The following PRKG1 variants were observed in gnomAD, a reference collection of about 807,000 sequenced individuals.
The protein encoded by PRKG1 is protein kinase cGMP-dependent 1, also known as cGMP-dependent protein kinase 1.
A neutral mutation model predicts 88.1 loss-of-function variants in PRKG1; 35 were observed. The ratio of observed to expected loss-of-function variants is 0.40; its 90% CI spans 0.30 to 0.53. PRKG1 has a LOEUF of 0.53. Among genes scored for constraint, PRKG1 ranks in the 20% least tolerant of loss-of-function variants. The pLI is 0.59. For missense variants in PRKG1, 540 were observed against 839.8 expected (o/e 0.64, Z 4.41); for synonymous variants, 303 against 292.5 (o/e 1.04, Z -0.37).
chr10:52,139,387 C>T (rs1837513165), intron 8 of PRKG1, among the ~76,000 whole-genome samples: 1 of 152,108 alleles, frequency 6.6e-6, no homozygotes, highest in Non-Finnish European at 1.5e-5. Context: ...GCATCAGTCC[C>T]CAAGGATACA....
intron 1 of PRKG1, among the ~76,000 whole-genome samples, chr10:51,083,282 C>G (rs779572029): frequency 5.7e-4 from 86 of 152,174 alleles, no homozygotes; most frequent in Non-Finnish European, 5.3e-4. Flanking sequence ...TGGCCACTTT[C>G]AAATGTGACA....
chr10:51,478,613 T>G (rs1840268182), intron 3 of PRKG1, among the ~76,000 whole-genome samples: 1 of 152,068 alleles, frequency 6.6e-6, no homozygotes, highest in African/African-American at 2.4e-5. Context: ...TTGCTCATAT[T>G]CATTGCCTTT....
At position 51,757,662 on chromosome 10, in the gene PRKG1, T is replaced by A. The variant is rs559861804; in HGVS notation, c.593-46923T>A. Among the ~76,000 whole-genome samples, 14 of 152,288 alleles carry A rather than the reference T, an allele frequency of 9.2e-5. 1 individual carries two copies. Among genetic ancestry groups the A allele is most frequent in the South Asian group, 6.2e-4 (3 of 4,832 alleles). ...GACTAGTCTGAATTGAGATGTGTTATAAGTATAAAATGCATACTGGATTTC... is the reference window on the plus strand; with the variant it reads ...GACTAGTCTGAATTGAGATGTGTTAAAAGTATAAAATGCATACTGGATTTC... On this transcript the variant is annotated intron_variant, in intron 3 of 17. Coordinates refer to ENST00000373980, the MANE Select transcript of PRKG1 (RefSeq NM_006258.4).
At chr10:52,132,225 A>G (rs780315469) in intron 7 of PRKG1, among the ~76,000 whole-genome samples, 3 of 152,166 alleles carry the variant, frequency 2.0e-5, no homozygotes, top group Non-Finnish European at 4.4e-5. Context: ...GATATCAATG[A>G]ATAAATATTA....
At chr10:51,199,662 C>T (rs570615145) in intron 2 of PRKG1, among the ~76,000 whole-genome samples, 13 of 152,236 alleles carry the variant, frequency 8.5e-5, no homozygotes, top group Non-Finnish European at 1.3e-4. Flanking sequence ...AAAGTGAGGT[C>T]GGGGTATTTC....
At chr10:51,308,470 A>T (rs909536872) in intron 2 of PRKG1, among the ~76,000 whole-genome samples, 2 of 152,220 alleles carry the variant, frequency 1.3e-5, no homozygotes, top group Admixed American at 1.3e-4. Flanking sequence ...CCTATTGCTC[A>T]GTAAGCAGTT....
chr10:51,482,716 G>A (rs1840400110), intron 3 of PRKG1, among the ~76,000 whole-genome samples: 1 of 152,242 alleles, frequency 6.6e-6, no homozygotes, highest in African/African-American at 2.4e-5. Flanking sequence ...GCAGAAACAT[G>A]GTCATCCAGT....
rs118138711 is a variant in PRKG1 at position 51,763,414 on chromosome 10, C to T, written c.593-41171C>T. Among the ~76,000 whole-genome samples, 499 of 151,836 alleles carry T rather than the reference C, an allele frequency of 3.3e-3. 1 individual carries two copies. Among genetic ancestry groups the T allele is most frequent in the Non-Finnish European group, 4.0e-3 (275 of 67,950 alleles). ...ACACACCTGTGTAATTTAAAAACTA[C>T]ACAGCTAATTTAAAAAAAATTTTTA... On this transcript the variant is annotated intron_variant, in intron 3 of 17. Transcript: ENST00000373980.
chr10:51,644,883 G>A (rs1040708297), intron 3 of PRKG1, among the ~76,000 whole-genome samples: 4 of 152,102 alleles, frequency 2.6e-5, no homozygotes, highest in Non-Finnish European at 5.9e-5. Flanking sequence ...TGCCTTCTGG[G>A]TTCAAGCGAT....
rs190644185 is a variant in PRKG1, at chr10:51,671,028, T to G, written c.593-133557T>G. ...TTTACCTATTTATTTTGTCACCATT[T>G]TATCTTATATTTTAGAGATTTTTTT... On this transcript the variant is annotated intron_variant, in intron 3 of 17. Coordinates refer to ENST00000373980, the MANE Select transcript of PRKG1 (RefSeq NM_006258.4). Among the ~76,000 whole-genome samples the G allele has an allele frequency of 3.2e-4, 48 of 152,296 alleles. 1 individual carries two copies. The highest frequency in any genetic ancestry group is 1.9e-3 in the Admixed American group (29 of 15,302).
At chr10:51,858,914 C>G (rs549617356) in intron 4 of PRKG1, among the ~76,000 whole-genome samples, 1 of 152,150 alleles carries the variant, frequency 6.6e-6, no homozygotes, top group South Asian at 2.1e-4. Context: ...CTCCTGGACC[C>G]ACCTCTGCCT....
chr10:51,238,715 G>A (rs1839068053), intron 2 of PRKG1, among the ~76,000 whole-genome samples: 1 of 151,550 alleles, frequency 6.6e-6, no homozygotes, highest in African/African-American at 2.4e-5. Context: ...GAGCCAAGAT[G>A]GTTCCACTGC....
intron 1 of PRKG1, among the ~76,000 whole-genome samples, chr10:51,001,990 A>T (rs1478777965): frequency 6.6e-6 from 1 of 151,888 alleles, no homozygotes; most frequent in Non-Finnish European, 1.5e-5. Context: ...GTTTTGGGGA[A>T]TATATTTAAA....
At chr10:51,860,093 A>C in intron 4 of PRKG1, among the ~76,000 whole-genome samples, 1 of 152,162 alleles carries the variant, frequency 6.6e-6, no homozygotes. Context: ...TCTTCAAGTC[A>C]TCCAAAAATA....
At chr10:51,320,450 AG>A (rs34370245) in intron 2 of PRKG1, 42,191 of 153,760 alleles carry the variant, frequency 0.27, 6,584 homozygotes, top group Non-Finnish European at 0.35. Flanking sequence ...ACTGGTCAGA[AG>A]AAGGTATGCA....
intron 5 of PRKG1, among the ~76,000 whole-genome samples, chr10:51,985,757 G>T (rs949730162): frequency 6.6e-6 from 1 of 151,990 alleles, no homozygotes; most frequent in Non-Finnish European, 1.5e-5. Flanking sequence ...GGAAGTATTT[G>T]CTTCATTCTC....
intron 3 of PRKG1, among the ~76,000 whole-genome samples, chr10:51,639,378 G>A (rs944374108): frequency 6.9e-6 from 1 of 143,924 alleles, no homozygotes; most frequent in Non-Finnish European, 1.5e-5. Context: ...AGCTTGCAGT[G>A]AGCCGAGATA....
At chr10:52,248,056 A>C (rs1841069706) in intron 9 of PRKG1, among the ~76,000 whole-genome samples, 1 of 152,256 alleles carries the variant, frequency 6.6e-6, no homozygotes, top group Non-Finnish European at 1.5e-5. Context: ...TGGGCTAGTT[A>C]AATGCAGCAG....
chr10:52,169,307 G>A (rs566733278), intron 9 of PRKG1, among the ~76,000 whole-genome samples: 31 of 152,312 alleles, frequency 2.0e-4, no homozygotes, highest in African/African-American at 7.2e-4. Flanking sequence ...TCTGGAGGCT[G>A]TGAAGTCCAA....
Sources: gnomAD v4.1 joint callset for allele counts (sites outside exome capture counted in the v4.1 genomes callset) on GRCh38, gnomAD v4.1.1 for gene constraint, MANE v1.5 for transcripts, NCBI Gene and HGNC (gene_info 2026-07-23, HGNC 2026-07-21) for gene names.